Variants in RHBDL2 observed in about 807,000 individuals in gnomAD.
The protein encoded by RHBDL2 is rhomboid like 2.
A neutral mutation model predicts 31.7 loss-of-function variants in RHBDL2; 26 were observed. The ratio of observed to expected loss-of-function variants is 0.82; its 90% CI spans 0.60 to 1.14. The LOEUF (loss-of-function observed/expected upper bound fraction) is 1.14. RHBDL2 is among the 50% of genes most tolerant of loss of function. The pLI is 0.00. For missense variants in RHBDL2, 336 were observed against 364.4 expected (o/e 0.92, Z 0.63); for synonymous variants, 123 against 127.2 (o/e 0.97, Z 0.22).
In RHBDL2 at chr1:38,914,682, TC is replaced by T. The variant is rs544103236; in HGVS notation, c.395+879del. Among the ~76,000 whole-genome samples, 29 of 152,202 alleles carry T rather than the reference TC, an allele frequency of 1.9e-4. No individual in the cohort carries two copies. In the South Asian group the frequency reaches 5.0e-3, roughly 26 times the overall value. Reference sequence around the variant, plus strand: ...CTTTTGGTTTTGCAATGATTTGATCTCTTCTCATTAATATTCCTAAATACTA... The same window carrying T: ...CTTTTGGTTTTGCAATGATTTGATCTTTCTCATTAATATTCCTAAATACTA... On this transcript the variant is annotated intron_variant, in intron 3 of 7. Transcript: ENST00000372990.
At chr1:38,900,575 C>A (rs1265853681) in intron 4 of RHBDL2, among the ~76,000 whole-genome samples, 1 of 151,684 alleles carries the variant, frequency 6.6e-6, no homozygotes, top group Non-Finnish European at 1.5e-5. Context: ...GAGCCAAGAT[C>A]CACCACTGCA....
intron 4 of RHBDL2, among the ~76,000 whole-genome samples, chr1:38,910,758 T>C (rs911540787): frequency 4.5e-4 from 58 of 128,952 alleles, no homozygotes; most frequent in African/African-American, 1.9e-3. Flanking sequence ...CTTTTCTTTT[T>C]TTTTTTTTTT....
intron 1 of RHBDL2, among the ~76,000 whole-genome samples, chr1:38,925,591 T>C (rs1395352101): frequency 6.6e-6 from 1 of 152,184 alleles, no homozygotes; most frequent in Admixed American, 6.5e-5. Context: ...CTTTTCCTTG[T>C]ATCTCAGTGA....
chr1:38,919,603 AT>A (rs1283546920), intron 1 of RHBDL2, among the ~76,000 whole-genome samples: 1 of 150,542 alleles, frequency 6.6e-6, no homozygotes. Context: ...TATAATATAT[AT>A]TTTTTCTTTT....
At chr1:38,908,369 G>C (rs1284525214) in intron 4 of RHBDL2, among the ~76,000 whole-genome samples, 1 of 151,660 alleles carries the variant, frequency 6.6e-6, no homozygotes, top group Non-Finnish European at 1.5e-5. Flanking sequence ...AAAATTAGCC[G>C]GGTGTGGTGG....
Position 38,911,417 on chromosome 1 carries a change from C to T in RHBDL2, c.413G>A (p.Gly138Glu). Residue 138 changes from glycine (G) to glutamate (E), a missense_variant, in exon 4 of 8, where the codon GGG becomes GAG. Physicochemically the swap from Gly to Glu is moderately conservative, Grantham distance 98. Transcript: ENST00000372990. ...LVHAGVQHIL[G>E]NLCMQLVLGI... ...CAAAACAAGCTGCATACAAAGATTCCCCAAGATGTGCTGAACTCTGCAAAG... is the reference window on the plus strand; with the variant it reads ...CAAAACAAGCTGCATACAAAGATTCTCCAAGATGTGCTGAACTCTGCAAAG... 6.2e-7 allele frequency: 1 copy of T among 1,613,386 alleles called. No homozygotes were observed. Among genetic ancestry groups the T allele is most frequent in the South Asian group, 1.1e-5 (1 of 91,066 alleles).
intron 5 of RHBDL2, 59 bp from the exon 6 acceptor site, chr1:38,893,283 T>A: frequency 1.3e-6 from 1 of 779,176 alleles, no homozygotes; most frequent in Non-Finnish European, 2.2e-6. Flanking sequence ...AAACCTCAAC[T>A]CTACTCCCTC....
At position 38,896,051 on chromosome 1, in the gene RHBDL2, A is replaced by G; in HGVS notation, c.527T>C (p.Ile176Thr). ...CACAAGATATCTGAGTGGGTCAAAG[A>G]TGGAGCTGGCAAGGGACCCTAAAGA... Reference protein sequence around the residue: ...GVIAGSLASSIFDPLRYLVGA... With the variant: ...GVIAGSLASSTFDPLRYLVGA... The change falls in exon 5 of 8, where the codon ATC becomes ACC. Residue 176 changes from isoleucine (I) to threonine (T), a missense_variant. By Grantham distance (89) the Ile-to-Thr change is moderately conservative. Coordinates refer to ENST00000372990, the MANE Select transcript of RHBDL2 (RefSeq NM_017821.5). 6.2e-7 allele frequency: 1 copy of G among 1,613,714 alleles called. No homozygotes were observed. The highest frequency in any genetic ancestry group is 8.5e-7 in the Non-Finnish European group (1 of 1,179,644).
chr1:38,938,666 TA>T (rs1410817010), intron 1 of RHBDL2, among the ~76,000 whole-genome samples: 1 of 152,204 alleles, frequency 6.6e-6, no homozygotes, highest in Non-Finnish European at 1.5e-5. Flanking sequence ...AAAACAAAAC[TA>T]AAAGACTCTG....
chr1:38,911,285 C>T, intron 4 of RHBDL2, 37 bp downstream of exon 4: 1 of 1,370,020 alleles, frequency 7.3e-7, no homozygotes. Flanking sequence ...CCTAAGAGCC[C>T]AGAGGTATTG....
rs574889701 is a variant in RHBDL2 at position 38,927,384 on chromosome 1, G to A, written c.-125-8047C>T. Among the ~76,000 whole-genome samples, 11 of 152,070 alleles carry A rather than the reference G, an allele frequency of 7.2e-5. 1 individual carries two copies. In the South Asian group the frequency reaches 1.2e-3, roughly 17 times the overall value. Reference sequence around the variant, plus strand: ...GGAGGTTGCGGTGAGCCGAGATCGCGCCACTGCACTCCAGCCTGGGCGACA... The same window carrying A: ...GGAGGTTGCGGTGAGCCGAGATCGCACCACTGCACTCCAGCCTGGGCGACA... On this transcript the variant is annotated intron_variant, in intron 1 of 7. Transcript: ENST00000372990.
chr1:38,903,359 C>T (rs546885953), intron 4 of RHBDL2, among the ~76,000 whole-genome samples: 38 of 152,048 alleles, frequency 2.5e-4, no homozygotes, highest in African/African-American at 5.3e-4. Context: ...AGGCTGGTCT[C>T]GAGCTCCTGA....
chr1:38,932,073 C>T (rs530376415), intron 1 of RHBDL2, among the ~76,000 whole-genome samples: 1 of 152,210 alleles, frequency 6.6e-6, no homozygotes, highest in Admixed American at 6.5e-5. Flanking sequence ...TTTGGGAATG[C>T]TTCCTCTTTG....
intron 4 of RHBDL2, among the ~76,000 whole-genome samples, chr1:38,898,935 T>G (rs1642954742): frequency 6.6e-6 from 1 of 152,204 alleles, no homozygotes; most frequent in Non-Finnish European, 1.5e-5. Flanking sequence ...CTGGGCATTT[T>G]ATGACAGGTG....
At chr1:38,887,752 T>C (rs1254367060) in intron 7 of RHBDL2, among the ~76,000 whole-genome samples, 2 of 152,096 alleles carry the variant, frequency 1.3e-5, no homozygotes, top group Non-Finnish European at 2.9e-5. Context: ...TAGCTACCAA[T>C]ATGGCAGGTG....
chr1:38,912,120 C>A (rs937926442), intron 3 of RHBDL2, among the ~76,000 whole-genome samples: 3 of 151,954 alleles, frequency 2.0e-5, no homozygotes, highest in African/African-American at 7.2e-5. Flanking sequence ...TACAAGCATG[C>A]GCCACCATGC....
intron 1 of RHBDL2, among the ~76,000 whole-genome samples, chr1:38,928,613 AT>A (rs1367707432): frequency 6.7e-6 from 1 of 150,050 alleles, no homozygotes; most frequent in Non-Finnish European, 1.5e-5. Context: ...CGCCTGGCTA[AT>A]TTTGTATTTT....
At chr1:38,888,699 G>C (rs1642816641) in intron 6 of RHBDL2, among the ~76,000 whole-genome samples, 1 of 152,164 alleles carries the variant, frequency 6.6e-6, no homozygotes, top group South Asian at 2.1e-4. Flanking sequence ...AAGACCAGCA[G>C]CATCAGCTTC....
intron 4 of RHBDL2, among the ~76,000 whole-genome samples, chr1:38,900,199 C>T (rs1642971993): frequency 6.6e-6 from 1 of 152,184 alleles, no homozygotes; most frequent in Non-Finnish European, 1.5e-5. Flanking sequence ...GCAGGTAGAT[C>T]ACTTGAGGTC....
Sources: gnomAD v4.1 joint callset for allele counts (sites outside exome capture counted in the v4.1 genomes callset) on GRCh38, gnomAD v4.1.1 for gene constraint, MANE v1.5 for transcripts, NCBI Gene and HGNC (gene_info 2026-07-23, HGNC 2026-07-21) for gene names.